The following CACNB4 variants were observed in gnomAD, a reference collection of about 807,000 sequenced individuals.
CACNB4 encodes the protein voltage-dependent L-type calcium channel subunit beta-4.
A neutral mutation model predicts 71.2 loss-of-function variants in CACNB4; 32 were observed. That is an observed-to-expected ratio of 0.45 (90% CI 0.34 to 0.60). The LOEUF (loss-of-function observed/expected upper bound fraction) is 0.60. CACNB4 is among the 20% of genes least tolerant of loss of function. The pLI, the probability that CACNB4 is intolerant of heterozygous loss-of-function variation, is 0.01. For missense variants in CACNB4, 464 were observed against 647.9 expected (o/e 0.72, Z 3.08); for synonymous variants, 231 against 236.9 (o/e 0.97, Z 0.23).
chr2:151,876,447 T>C lies in CACNB4; in HGVS notation c.500A>G (p.Lys167Arg). The C allele has an allele frequency of 6.3e-7, 1 of 1,599,418 alleles. No homozygotes were observed. Among genetic ancestry groups the C allele is most frequent in the Non-Finnish European group, 8.5e-7 (1 of 1,170,766 alleles). ...GTACCCTCCGTGAAAACGTCCTCTT[T>C]TTTGTTCTTGCTGGATCCGTATGTT... ...LENIRIQQEQ[K>R]RGRFHGGKSS... The change falls in exon 5 of 14, where the codon AAA (lysine) becomes AGA (arginine). Residue 167 changes from lysine (K) to arginine (R), a missense_variant. Physicochemically the swap from Lys to Arg is conservative, Grantham distance 26. Around this residue, in one of 3 missense-constraint regions of CACNB4, gnomAD observed 299 missense variants for 471.7 expected, o/e 0.63. Coordinates refer to ENST00000539935, the MANE Select transcript of CACNB4 (RefSeq NM_000726.5).
chr2:151,863,294 G>C (rs138056024), intron 9 of CACNB4, among the ~76,000 whole-genome samples: 1 of 152,072 alleles, frequency 6.6e-6, no homozygotes, highest in Non-Finnish European at 1.5e-5. Flanking sequence ...TCAAACTCCT[G>C]ACCTCAGGTG....
chr2:151,847,462 T>C (rs915175103), intron 12 of CACNB4, among the ~76,000 whole-genome samples: 6 of 152,122 alleles, frequency 3.9e-5, no homozygotes, highest in African/African-American at 1.5e-4. Context: ...ATGCTAATTA[T>C]AAAAATAATC....
At chr2:151,979,483 T>G (rs1222284669) in intron 2 of CACNB4, among the ~76,000 whole-genome samples, 1 of 151,732 alleles carries the variant, frequency 6.6e-6, no homozygotes, top group Non-Finnish European at 1.5e-5. Context: ...AGAGCCAATC[T>G]CTTAGAAAAC....
At chr2:152,033,227 C>T (rs760811971) in intron 2 of CACNB4, among the ~76,000 whole-genome samples, 6 of 152,224 alleles carry the variant, frequency 3.9e-5, no homozygotes, top group Non-Finnish European at 7.3e-5. Context: ...AAGAGGCATG[C>T]TTACACGTTT....
chr2:152,006,167 C>T (rs2151787996), intron 2 of CACNB4, among the ~76,000 whole-genome samples: 1 of 152,296 alleles, frequency 6.6e-6, no homozygotes, highest in Non-Finnish European at 1.5e-5. Flanking sequence ...AGCAACCTCA[C>T]CATCAGAAGT....
intron 2 of CACNB4, among the ~76,000 whole-genome samples, chr2:151,927,099 A>T (rs558360191): frequency 6.6e-6 from 1 of 152,344 alleles, no homozygotes; most frequent in South Asian, 2.1e-4. Flanking sequence ...TCTTTATGGC[A>T]CAAAAAAGTT....
intron 2 of CACNB4, among the ~76,000 whole-genome samples, chr2:151,955,866 C>G (rs1309553830): frequency 6.6e-6 from 1 of 151,750 alleles, no homozygotes; most frequent in Non-Finnish European, 1.5e-5. Context: ...TGCACTACTG[C>G]CCTCCATCCT....
intron 2 of CACNB4, among the ~76,000 whole-genome samples, chr2:151,953,345 C>G (rs1203189062): frequency 6.6e-6 from 1 of 152,222 alleles, no homozygotes; most frequent in Non-Finnish European, 1.5e-5. Context: ...TTTGCTCCTT[C>G]TCTTGTTCTG....
intron 2 of CACNB4, among the ~76,000 whole-genome samples, chr2:152,088,689 G>T (rs1425836893): frequency 2.6e-5 from 4 of 152,170 alleles, no homozygotes; most frequent in African/African-American, 9.7e-5. Context: ...AGTAGCCGTC[G>T]AATAAGTTTT....
chr2:152,079,214 G>A (rs964348096), intron 2 of CACNB4, among the ~76,000 whole-genome samples: 4 of 151,682 alleles, frequency 2.6e-5, no homozygotes, highest in African/African-American at 4.8e-5. Flanking sequence ...TCAGCCTCCC[G>A]AGTAGCTGAG....
chr2:151,882,388 A>G (rs1339925007), intron 3 of CACNB4, among the ~76,000 whole-genome samples: 1 of 152,038 alleles, frequency 6.6e-6, no homozygotes, highest in Non-Finnish European at 1.5e-5. Context: ...AAAAATAGAA[A>G]AGGGAAGGAA....
At chr2:151,847,014 T>G (rs1441054301) in intron 12 of CACNB4, among the ~76,000 whole-genome samples, 1 of 151,970 alleles carries the variant, frequency 6.6e-6, no homozygotes, top group African/African-American at 2.4e-5. Flanking sequence ...TTTTTCTTAT[T>G]TCTAAGTGGT....
chr2:151,880,747 T>A, intron 4 of CACNB4, 53 bp downstream of exon 4: 1 of 1,582,200 alleles, frequency 6.3e-7, no homozygotes, highest in Non-Finnish European at 8.6e-7. Flanking sequence ...CAGAGCTGAT[T>A]CCTGGCTTCA....
rs558096212 is a variant in CACNB4, at chr2:151,990,322, T to C, written c.148-106952A>G. On this transcript the variant is annotated intron_variant, in intron 2 of 13. Transcript: ENST00000539935. ...ATTGAACCTTGCTCCTCAAAAACTATCTCACCACCTAATTCCCTGTGCATA... is the reference window on the plus strand; with the variant it reads ...ATTGAACCTTGCTCCTCAAAAACTACCTCACCACCTAATTCCCTGTGCATA... Among the ~76,000 whole-genome samples the C allele has an allele frequency of 1.2e-4, 18 of 152,302 alleles. No homozygotes were observed. In the South Asian group the frequency reaches 3.1e-3, roughly 26 times the overall value.
At chr2:151,945,840 T>A (rs1454790727) in intron 2 of CACNB4, among the ~76,000 whole-genome samples, 1 of 149,452 alleles carries the variant, frequency 6.7e-6, no homozygotes, top group Non-Finnish European at 1.5e-5. Flanking sequence ...TTATTGCACT[T>A]CAGCCTGTGT....
chr2:151,940,601 T>G (rs1422075390), intron 2 of CACNB4, among the ~76,000 whole-genome samples: 1 of 152,188 alleles, frequency 6.6e-6, no homozygotes, highest in African/African-American at 2.4e-5. Context: ...TACTAACAGT[T>G]GGGCTCTGGG....
intron 2 of CACNB4, among the ~76,000 whole-genome samples, chr2:151,983,940 T>C (rs934620979): frequency 3.9e-5 from 6 of 152,206 alleles, no homozygotes; most frequent in Non-Finnish European, 8.8e-5. Context: ...AAATCCATTC[T>C]CTTTTAAACT....
intron 2 of CACNB4, among the ~76,000 whole-genome samples, chr2:152,052,639 T>C (rs900881645): frequency 6.6e-6 from 1 of 152,190 alleles, no homozygotes; most frequent in Admixed American, 6.5e-5. Context: ...AAGGACCCTC[T>C]GTACTTCATT....
chr2:151,877,535 G>T (rs998095674), intron 4 of CACNB4, among the ~76,000 whole-genome samples: 1 of 152,176 alleles, frequency 6.6e-6, no homozygotes, highest in African/African-American at 2.4e-5. Flanking sequence ...TGTCTGAGAT[G>T]AAATACATTT....
Sources: allele counts gnomAD v4.1 joint callset (sites outside exome capture counted in the v4.1 genomes callset), GRCh38; gene constraint gnomAD v4.1.1; regional missense constraint gnomAD v4.1.1; transcripts MANE v1.5; gene names NCBI Gene and HGNC (gene_info 2026-07-23, HGNC 2026-07-21).